Variants in SLC15A2 observed in about 807,000 individuals in gnomAD.
SLC15A2 encodes the protein solute carrier family 15 member 2.
In SLC15A2, 77 loss-of-function variants were observed where a neutral mutation model predicts 95.5. The observed-to-expected ratio is 0.81, with a 90% CI of 0.67 to 0.97. SLC15A2 has a LOEUF of 0.97. Ranked by LOEUF, SLC15A2 falls within the 50% of genes least tolerant of loss-of-function variation. The pLI, the probability that SLC15A2 is intolerant of heterozygous loss-of-function variation, is 0.00. For synonymous variants in SLC15A2, 306 were observed against 306.9 expected, an observed-to-expected ratio of 1.00 and a Z score of 0.03; for missense variants, 893 against 874.4, an observed-to-expected ratio of 1.02 and a Z score of -0.27.
chr3:121,905,153 T>C (rs1709606687), intron 3 of SLC15A2, among the ~76,000 whole-genome samples: 1 of 152,214 alleles, frequency 6.6e-6, no homozygotes, highest in South Asian at 2.1e-4. Context: ...GTTTATAGTA[T>C]TCTCTGATGG....
chr3:121,914,243 C>G (rs1054683176), intron 5 of SLC15A2, among the ~76,000 whole-genome samples: 1 of 152,232 alleles, frequency 6.6e-6, no homozygotes, highest in Middle Eastern at 3.4e-3. Context: ...GGAAACAAAA[C>G]ACACTATAAA....
intron 7 of SLC15A2, among the ~76,000 whole-genome samples, chr3:121,920,856 G>A (rs991276914): frequency 6.6e-6 from 1 of 152,190 alleles, no homozygotes; most frequent in African/African-American, 2.4e-5. Context: ...AATGCTACTT[G>A]TCACTGAGAA....
Position 121,909,964 on chromosome 3 carries a change from A to G in SLC15A2, c.336-1610A>G, listed in dbSNP as rs143386713. On this transcript the variant is annotated intron_variant, in intron 3 of 21. Coordinates refer to ENST00000489711, the MANE Select transcript of SLC15A2 (RefSeq NM_021082.4). ...GGATACCGATCTTACTACCCAGACT[A>G]TATCACTCCAGCTCAAACTCCTTTT... Among the ~76,000 whole-genome samples, 1,272 of 144,914 alleles carry G rather than the reference A, an allele frequency of 8.8e-3. 16 individuals are homozygous for G. The highest frequency in any genetic ancestry group is 0.03 in the African/African-American group (1,165 of 38,648).
rs1414859800 is a variant in SLC15A2 at position 121,940,258 on chromosome 3, T to C, written c.1909-126T>C. 11 of 648,690 alleles carry C rather than the reference T, an allele frequency of 1.7e-5. No individual in the cohort carries two copies. The South Asian group carries it at 1.9e-4, about 11-fold the overall frequency. The allele number at this position is 648,690 out of a possible 1,614,324, so 40.2% of individuals were successfully genotyped here. A position where few individuals can be genotyped will look rare whatever the true frequency, so the allele number is the denominator to read the frequency against. On this transcript the variant is annotated intron_variant, in intron 20 of 21. Transcript: ENST00000489711. Reference sequence around the variant, plus strand: ...ACATTATTAACACCCTCTGAATCAATGTGATAGCTGAACTTAATAAGAGAA... The same window carrying C: ...ACATTATTAACACCCTCTGAATCAACGTGATAGCTGAACTTAATAAGAGAA...
chr3:121,913,194 T>G lies in SLC15A2; in HGVS notation c.528+74T>G, dbSNP rs530984342. 1.2e-4 allele frequency: 141 copies of G among 1,132,420 alleles called. No homozygotes were observed. The African/African-American group carries it at 2.0e-3, about 16-fold the overall frequency. 70.1% of individuals were successfully genotyped at this position (1,132,420 alleles called of 1,614,324 possible). ...ATGGGGGTATCTGGCAGGTAGCCAT[T>G]TGCCAAGATTGAAGTAATGTACTGG... On this transcript the variant is annotated intron_variant, in intron 5 of 21. Transcript: ENST00000489711.
intron 3 of SLC15A2, among the ~76,000 whole-genome samples, chr3:121,906,146 T>C (rs1197689668): frequency 6.6e-6 from 1 of 152,216 alleles, no homozygotes; most frequent in Non-Finnish European, 1.5e-5. Flanking sequence ...TTAAAGTCTG[T>C]TTTGTCAGAG....
chr3:121,912,938 T>G (rs1709802910), intron 4 of SLC15A2, 83 bp from the exon 5 acceptor site: 1 of 921,072 alleles, frequency 1.1e-6, no homozygotes, highest in Non-Finnish European at 1.7e-6. Flanking sequence ...TGTACACATT[T>G]TTTCCCCTCT....
intron 3 of SLC15A2, among the ~76,000 whole-genome samples, chr3:121,900,805 T>G (rs2332055): frequency 0.025 from 3,851 of 152,048 alleles, 143 homozygotes; most frequent in African/African-American, 0.088. Flanking sequence ...AGTAATATAG[T>G]GTTTTCTGAG....
rs1710467512 is a variant in SLC15A2 at position 121,941,739 on chromosome 3, G to T, written c.*732G>T. 1 of 152,218 alleles carries T rather than the reference G, an allele frequency of 6.6e-6. No individual in the cohort carries two copies. The highest frequency in any genetic ancestry group is 2.4e-5 in the African/African-American group (1 of 41,446). The allele number at this position is 152,218 out of a possible 1,614,324, so 9.4% of individuals were successfully genotyped here. Reference sequence around the variant, plus strand: ...ACATTGTTCTGGAGAACAGGAACAGGTGTAAGTTGTAGAAATCCTGAAGAG... The same window carrying T: ...ACATTGTTCTGGAGAACAGGAACAGTTGTAAGTTGTAGAAATCCTGAAGAG... On this transcript the variant is annotated 3_prime_UTR_variant, in exon 22 of 22. Coordinates refer to ENST00000489711, the MANE Select transcript of SLC15A2 (RefSeq NM_021082.4).
Position 121,922,237 on chromosome 3 carries a change from A to G in SLC15A2, c.715A>G (p.Ser239Gly). 1 of 1,613,898 alleles carries G rather than the reference A, an allele frequency of 6.2e-7. No homozygotes were observed. Among genetic ancestry groups the G allele is most frequent in the South Asian group, 1.1e-5 (1 of 91,050 alleles). The change falls in exon 8 of 22, where the codon AGC becomes GGC. Residue 239 changes from serine to glycine, a missense_variant. Physicochemically the swap from Ser to Gly is moderately conservative, Grantham distance 56. Coordinates refer to ENST00000489711, the MANE Select transcript of SLC15A2 (RefSeq NM_021082.4). ...AACTGCAGTTGTGTTTGCAATGGGA[A>G]GCAAAATATACAATAAACCACCCCC... ...VIALVVFAMG[S>G]KIYNKPPPEG...
At position 121,923,079 on chromosome 3, in the gene SLC15A2, C is replaced by T. The variant is rs1710040100; in HGVS notation, c.907C>T (p.Leu303=). The T allele has an allele frequency of 6.2e-7, 1 of 1,614,098 alleles. No homozygotes were observed. The highest frequency in any genetic ancestry group is 8.5e-7 in the Non-Finnish European group (1 of 1,179,946). ...GGATGTAAAGGCACTGACCAGGGTA[C>T]TATTCCTTTATATCCCATTGCCCAT... ...IMDVKALTRV[L]FLYIPLPMFW... is the part of the protein sequence containing the mutation. Residue 303 remains leucine, a synonymous_variant, in exon 10 of 22, where the codon CTA becomes TTA. Transcript: ENST00000489711.
At position 121,941,311 on chromosome 3, in the gene SLC15A2, G is replaced by A; in HGVS notation, c.*304G>A. ...AATGGAGATCATTCTCTGTGGGTAT[G>A]CAAAGTTATGGGAATTCCTTTATAG... On this transcript the variant is annotated 3_prime_UTR_variant, in exon 22 of 22. Coordinates refer to ENST00000489711, the MANE Select transcript of SLC15A2 (RefSeq NM_021082.4). 1 of 221,598 alleles carries A rather than the reference G, an allele frequency of 4.5e-6. No homozygotes were observed. The highest frequency in any genetic ancestry group is 8.8e-6 in the Non-Finnish European group (1 of 113,970). 13.7% of individuals were successfully genotyped at this position (221,598 alleles called of 1,614,324 possible). A position where few individuals can be genotyped will look rare whatever the true frequency, so the allele number is the denominator to read the frequency against.
intron 1 of SLC15A2, among the ~76,000 whole-genome samples, chr3:121,896,132 T>C (rs747034777): frequency 6.6e-6 from 1 of 152,200 alleles, no homozygotes; most frequent in Non-Finnish European, 1.5e-5. Context: ...TTAGTAGTTG[T>C]GGGAAGATGA....
intron 19 of SLC15A2, among the ~76,000 whole-genome samples, chr3:121,932,006 T>C (rs1269662500): frequency 1.3e-5 from 2 of 152,170 alleles, no homozygotes; most frequent in Admixed American, 1.3e-4. Context: ...TTAAAGTGAT[T>C]CTCCTGCCTC....
chr3:121,934,703 C>T (rs1710303872), intron 19 of SLC15A2, among the ~76,000 whole-genome samples: 1 of 152,194 alleles, frequency 6.6e-6, no homozygotes, highest in South Asian at 2.1e-4. Flanking sequence ...ATCATGTCGT[C>T]TGCAAATAGG....
In SLC15A2 at chr3:121,928,518, A is replaced by G. The variant is rs753288276; in HGVS notation, c.1304A>G (p.Asn435Ser). 8 of 1,614,018 alleles carry G rather than the reference A, an allele frequency of 5.0e-6. No homozygotes were observed. The highest frequency in any genetic ancestry group is 1.7e-5 in the Admixed American group (1 of 60,002). Residue 435 changes from asparagine (N) to serine (S), a missense_variant, in exon 15 of 22, where the codon AAC becomes AGC. Transcript: ENST00000489711. ...AAGGTGACAGTGGTGGGAAATGAAA[A>G]CAATTCTCTGTTGATAGAGTCCATC... ...EVKVTVVGNE[N>S]NSLLIESIKS...
chr3:121,897,676 T>A (rs1709444993), intron 3 of SLC15A2, 147 bp downstream of exon 3: 2 of 752,110 alleles, frequency 2.7e-6, no homozygotes, highest in Non-Finnish European at 4.0e-6. Flanking sequence ...TGTGGGAAAT[T>A]TAAAAAAAAA....
intron 3 of SLC15A2, among the ~76,000 whole-genome samples, chr3:121,898,409 C>T (rs1035639417): frequency 1.3e-5 from 2 of 152,012 alleles, no homozygotes; most frequent in South Asian, 4.1e-4. Context: ...GAACACAGCA[C>T]CAAGAGATAT....
chr3:121,904,190 A>C (rs1228812107), intron 3 of SLC15A2, among the ~76,000 whole-genome samples: 5 of 152,122 alleles, frequency 3.3e-5, no homozygotes, highest in Admixed American at 6.5e-5. Context: ...TGATTTTTGT[A>C]CATTGATTTT....
Sources: allele counts gnomAD v4.1 joint callset (sites outside exome capture counted in the v4.1 genomes callset), GRCh38; gene constraint gnomAD v4.1.1; transcripts MANE v1.5; gene names NCBI Gene and HGNC (gene_info 2026-07-23, HGNC 2026-07-21).